Variants in MTAP observed in about 807,000 individuals in gnomAD.
MTAP encodes methylthioadenosine phosphorylase, also known as S-methyl-5'-thioadenosine phosphorylase.
Under a neutral mutation model 33.6 loss-of-function variants are expected in MTAP, and 33 were observed. That is an observed-to-expected ratio of 0.98 (90% CI 0.74 to 1.31). MTAP has a LOEUF of 1.31. Ranked by LOEUF, MTAP falls within the 40% of genes most tolerant of loss-of-function variation. The pLI, the probability that MTAP is intolerant of heterozygous loss-of-function variation, is 0.00. For missense variants in MTAP, 367 were observed against 360.0 expected (o/e 1.02, Z -0.16); for synonymous variants, 148 against 125.7 (o/e 1.18, Z -1.19).
chr9:21,908,839 A>G (rs185185079), intron 1 of MTAP, among the ~76,000 whole-genome samples: 2 of 152,142 alleles, frequency 1.3e-5, no homozygotes, highest in East Asian at 3.9e-4. Context: ...TTATATATAC[A>G]TAACTTATCA....
chr9:21,939,898 T>G (rs1178324861), downstream of MTAP, among the ~76,000 whole-genome samples: 1 of 151,928 alleles, frequency 6.6e-6, no homozygotes, highest in East Asian at 1.9e-4. Flanking sequence ...AAAAAGAATA[T>G]ATTCTTCCTA....
intron 1 of MTAP, among the ~76,000 whole-genome samples, chr9:21,924,387 T>C (rs1324811836): frequency 6.6e-6 from 1 of 152,208 alleles, no homozygotes; most frequent in East Asian, 1.9e-4. Context: ...AGCCTGGTTT[T>C]AATACAAGCT....
At chr9:21,805,678 C>A (rs1375689474) in intron 1 of MTAP, among the ~76,000 whole-genome samples, 4 of 152,200 alleles carry the variant, frequency 2.6e-5, no homozygotes, top group Non-Finnish European at 4.4e-5. Context: ...AAAGAGGCCC[C>A]AGAGAGCTGC....
intron 4 of MTAP, among the ~76,000 whole-genome samples, chr9:21,825,963 C>T (rs1000302306): frequency 1.3e-5 from 2 of 151,992 alleles, no homozygotes; most frequent in African/African-American, 4.8e-5. Flanking sequence ...CTATTCAAGT[C>T]CTTTGCCTAT....
intron 1 of MTAP, among the ~76,000 whole-genome samples, chr9:21,900,418 C>T (rs758892022): frequency 6.6e-6 from 1 of 152,106 alleles, no homozygotes; most frequent in Non-Finnish European, 1.5e-5. Context: ...GACAAAAATG[C>T]TCAACATCAC....
chr9:21,872,509 T>G (rs1825952468), intron 1 of MTAP, among the ~76,000 whole-genome samples: 2 of 152,222 alleles, frequency 1.3e-5, no homozygotes, highest in African/African-American at 2.4e-5. Context: ...TTGATACTCA[T>G]GTCCATCTGT....
intron 1 of MTAP, among the ~76,000 whole-genome samples, chr9:21,914,294 G>T (rs1033359991): frequency 6.6e-6 from 1 of 152,050 alleles, no homozygotes; most frequent in Admixed American, 6.6e-5. Context: ...TATATCCAAA[G>T]GATTATAAAT....
rs116476084 is a variant in MTAP, at chr9:21,922,507, G to A, written c.148-8501G>A. 5.4e-3 allele frequency among the ~76,000 whole-genome samples: 823 copies of A among 152,068 alleles called. 8 individuals are homozygous for A. The highest frequency in any genetic ancestry group is 0.017 in the African/African-American group (702 of 41,456). On this transcript the variant is annotated intron_variant, in intron 1 of 1. Transcript: ENST00000577563. This position sits in a 1 kb window ranked among gnomAD's most constrained non-coding sequence, Gnocchi z 4.8. ...AAACTTGCCTTGGTCTCTCACTCTC[G>A]CTTATGCCCCTCAGACAAATTCTTT...
chr9:21,835,998 C>A (rs942908312), intron 4 of MTAP, among the ~76,000 whole-genome samples: 1 of 152,096 alleles, frequency 6.6e-6, no homozygotes, highest in Admixed American at 6.6e-5. Flanking sequence ...CCTTGCTTCT[C>A]CCCCAGGGCT....
chr9:21,836,266 A>C (rs1825103874), intron 4 of MTAP, among the ~76,000 whole-genome samples: 1 of 152,222 alleles, frequency 6.6e-6, no homozygotes, highest in South Asian at 2.1e-4. Context: ...TTTGTTGAGA[A>C]AGAAAAATGC....
chr9:21,824,538 C>T (rs1218780057), intron 4 of MTAP, among the ~76,000 whole-genome samples: 4 of 152,230 alleles, frequency 2.6e-5, no homozygotes, highest in African/African-American at 9.6e-5. Flanking sequence ...AGTTAGCCTA[C>T]TCGGGGTTCA....
At chr9:21,829,768 G>T (rs938195649) in intron 4 of MTAP, among the ~76,000 whole-genome samples, 1 of 152,174 alleles carries the variant, frequency 6.6e-6, no homozygotes, top group Non-Finnish European at 1.5e-5. Flanking sequence ...TGAGCAGGGC[G>T]GGGGGACCAA....
Position 21,818,014 on chromosome 9 carries a change from A to G in MTAP, c.180-21A>G, listed in dbSNP as rs778700497. On this transcript the variant is annotated intron_variant, in intron 3 of 7. Coordinates refer to ENST00000644715, the MANE Select transcript of MTAP (RefSeq NM_002451.4). ...GTGGTGTACTCATCACGGGTTAACA[A>G]TTTCTTCTCTCCTTCCATAGGCATG... is the stretch of plus-strand genomic sequence containing the variant. 53 of 1,598,632 alleles carry G rather than the reference A, an allele frequency of 3.3e-5. 2 individuals carry two copies. Among genetic ancestry groups the G allele is most frequent in the Middle Eastern group, 3.3e-4 (2 of 6,014 alleles).
At chr9:21,913,666 A>G (rs1036334110) in intron 1 of MTAP, among the ~76,000 whole-genome samples, 1 of 152,242 alleles carries the variant, frequency 6.6e-6, no homozygotes, top group African/African-American at 2.4e-5. Context: ...ACCTAAAACC[A>G]TAGAAACCCT....
At chr9:21,846,548 T>A (rs1357009531) in intron 5 of MTAP, among the ~76,000 whole-genome samples, 1 of 152,118 alleles carries the variant, frequency 6.6e-6, no homozygotes, top group Non-Finnish European at 1.5e-5. Flanking sequence ...ACCACCTTAC[T>A]CCTGCAAGAA....
intron 1 of MTAP, chr9:21,803,215 C>T (rs1824111017): frequency 2.9e-6 from 1 of 343,942 alleles, no homozygotes; most frequent in Non-Finnish European, 5.2e-6. Context: ...CTTCTGTGAC[C>T]GTCTCCTGGT....
rs549922415 is a variant in MTAP, at chr9:21,866,095, G to A, written c.*4081G>A. 1 of 152,020 alleles carries A rather than the reference G, an allele frequency of 6.6e-6. No homozygotes were observed. The highest frequency in any genetic ancestry group is 2.1e-4 in the South Asian group (1 of 4,806). The allele number at this position is 152,020 out of a possible 1,614,324, so 9.4% of individuals were successfully genotyped here. ...TTTTTAATTTTAGCCATTCTATTGG[G>A]TATATTTTGATATCTCGTGGTTTTG... On this transcript the variant is annotated 3_prime_UTR_variant, in exon 8 of 8. Coordinates refer to ENST00000644715, the MANE Select transcript of MTAP (RefSeq NM_002451.4).
chr9:21,868,262 T>C (rs1287494984), downstream of MTAP, among the ~76,000 whole-genome samples: 1 of 152,206 alleles, frequency 6.6e-6, no homozygotes. Flanking sequence ...AGATAAAATA[T>C]ATGATTCTTG....
chr9:21,849,734 A>C (rs1402433217), intron 5 of MTAP, among the ~76,000 whole-genome samples: 2 of 152,220 alleles, frequency 1.3e-5, no homozygotes, highest in Non-Finnish European at 2.9e-5. Context: ...ATCCCCATTT[A>C]TCTCTCCCAT....
Sources: allele counts gnomAD v4.1 joint callset (sites outside exome capture counted in the v4.1 genomes callset), GRCh38; gene constraint gnomAD v4.1.1; non-coding constraint Gnocchi (gnomAD v3.1); transcripts MANE v1.5; gene names NCBI Gene and HGNC (gene_info 2026-07-23, HGNC 2026-07-21).